Variants in CMPK2 observed in about 807,000 individuals in gnomAD.
The protein encoded by CMPK2 is cytidine/uridine monophosphate kinase 2.
In CMPK2, 32 loss-of-function variants were observed where a neutral mutation model predicts 33.4. The ratio of observed to expected loss-of-function variants is 0.96; its 90% CI spans 0.72 to 1.29. The LOEUF is 1.29. Among genes scored for constraint, CMPK2 ranks in the 50% most tolerant of loss-of-function variants. The probability of loss-of-function intolerance (pLI) is 0.00; values close to 1 mark genes in which losing one functional copy is unlikely to be tolerated. For missense variants in CMPK2, 672 were observed against 616.0 expected (o/e 1.09, Z -0.96); for synonymous variants, 299 against 275.3 (o/e 1.09, Z -0.85).
At position 6,848,704 on chromosome 2, in the gene CMPK2, GC is replaced by G; in HGVS notation, c.*1145del. On this transcript the variant is annotated 3_prime_UTR_variant, in exon 5 of 5. Coordinates refer to ENST00000256722, the MANE Select transcript of CMPK2 (RefSeq NM_207315.4). Reference sequence around the variant, plus strand: ...GATAAAATAATTTACAGATTTATCTGCCTTTGAACTGGAAGGAATTTTAGGT... The same window carrying G: ...GATAAAATAATTTACAGATTTATCTGCTTTGAACTGGAAGGAATTTTAGGT... 1.0e-6 allele frequency: 1 copy of G among 985,286 alleles called. No homozygotes were observed. Among genetic ancestry groups the G allele is most frequent in the Non-Finnish European group, 1.2e-6 (1 of 829,484 alleles). The allele number at this position is 985,286 out of a possible 1,614,324, so 61.0% of individuals were successfully genotyped here.
intron 1 of CMPK2, chr2:6,864,292 A>C (rs991507345): frequency 6.6e-6 from 1 of 152,238 alleles, no homozygotes; most frequent in Non-Finnish European, 1.5e-5. Flanking sequence ...TGACACAGCT[A>C]ATAAATGCCA....
At chr2:6,846,895 A>G (rs146513822), downstream of CMPK2, among the ~76,000 whole-genome samples, 179 of 152,360 alleles carry the variant, frequency 1.2e-3, 2 homozygotes, top group African/African-American at 4.1e-3. Flanking sequence ...AATGTGTTGT[A>G]ATCTTACCAA....
chr2:6,841,434 G>A (rs1377501448), intron 3 of CMPK2, among the ~76,000 whole-genome samples: 1 of 152,162 alleles, frequency 6.6e-6, no homozygotes, highest in Non-Finnish European at 1.5e-5. Context: ...TTAACAATTT[G>A]TTTGACTGTT....
intron 3 of CMPK2, among the ~76,000 whole-genome samples, chr2:6,853,892 A>G (rs1185474706): frequency 6.6e-6 from 1 of 151,838 alleles, no homozygotes; most frequent in African/African-American, 2.4e-5. Flanking sequence ...ACAGAGCGAG[A>G]CTTCATCTAA....
chr2:6,841,009 G>A (rs538692467), intron 3 of CMPK2, among the ~76,000 whole-genome samples: 1 of 152,174 alleles, frequency 6.6e-6, no homozygotes, highest in South Asian at 2.1e-4. Flanking sequence ...ACTTCCTGAG[G>A]TGTCTCTTAA....
exon 4 of CMPK2, chr2:6,840,620 A>C: frequency 1.4e-6 from 1 of 702,380 alleles, no homozygotes; most frequent in South Asian, 1.5e-5. Context: ...CCAGTCCCAC[A>C]AACTTCACTG....
Position 6,848,784 on chromosome 2 carries a change from T to C in CMPK2, c.*1066A>G. ...GTCACACAGCTCTATAATTTCCCCC[T>C]CACTCAGCTACTTTTTTCTGTCTAA... is the stretch of plus-strand genomic sequence containing the variant. On this transcript the variant is annotated 3_prime_UTR_variant, in exon 5 of 5. Transcript: ENST00000256722. The C allele has an allele frequency of 3.0e-6, 3 of 985,738 alleles. No homozygotes were observed. The highest frequency in any genetic ancestry group is 3.6e-6 in the Non-Finnish European group (3 of 829,828). The allele number at this position is 985,738 out of a possible 1,614,324, so 61.1% of individuals were successfully genotyped here.
chr2:6,861,453 G>A, intron 2 of CMPK2, 68 bp from the exon 3 acceptor site: 1 of 1,197,060 alleles, frequency 8.4e-7, no homozygotes, highest in Non-Finnish European at 1.2e-6. Context: ...CGTAGAAAGA[G>A]CACAGACGTT....
At chr2:6,841,119 C>T (rs141519562) in intron 3 of CMPK2, among the ~76,000 whole-genome samples, 52 of 152,246 alleles carry the variant, frequency 3.4e-4, no homozygotes, top group Non-Finnish European at 5.4e-4. Context: ...CCTTGGGTAA[C>T]AGCTGCCTTA....
rs760137321 is a variant in CMPK2, at chr2:6,849,931, A to G, written c.1269T>C (p.His423=). ...CTCTGGAGGGGCTGGCATCAACCAC[A>G]TGGCAGCCAGGATTCTCCATCCGCT... ...SYQRMENPGC[H]VVDASPSREK... is the part of the protein sequence containing the mutation. Residue 423 remains histidine, a synonymous_variant, in exon 5 of 5, where the codon CAT becomes CAC. Transcript: ENST00000256722. The G allele has an allele frequency of 6.2e-6, 10 of 1,614,080 alleles. No individual in the cohort carries two copies. The highest frequency in any genetic ancestry group is 5.0e-5 in the Admixed American group (3 of 59,996).
chr2:6,842,908 C>T (rs1375570479), intron 3 of CMPK2, among the ~76,000 whole-genome samples: 2 of 152,084 alleles, frequency 1.3e-5, no homozygotes, highest in South Asian at 2.1e-4. Flanking sequence ...GGTACCTTAC[C>T]GAAGTTTGAC....
At position 6,865,570 on chromosome 2, in the gene CMPK2, C is replaced by G; in HGVS notation, c.127G>C (p.Ala43Pro). 1 of 1,366,952 alleles carries G rather than the reference C, an allele frequency of 7.3e-7. No homozygotes were observed. The allele number at this position is 1,366,952 out of a possible 1,614,324, so 84.7% of individuals were successfully genotyped here. Residue 43 changes from alanine (A) to proline (P), a missense_variant, in exon 1 of 5, where the codon GCT becomes CCT. Transcript: ENST00000256722. Reference protein sequence around the residue: ...FVLELPDCTLAHFALGADAPG... With the variant: ...FVLELPDCTLPHFALGADAPG... ...GCGTCGGCGCCTAGGGCGAAGTGAG[C>G]CAGGGTGCAGTCGGGAAGCTCCAGG...
At chr2:6,851,358 A>G (rs1417722339) in intron 4 of CMPK2, 92 bp downstream of exon 4, 2 of 1,566,128 alleles carry the variant, frequency 1.3e-6, no homozygotes, top group Non-Finnish European at 1.7e-6. Context: ...TGGAAACAAT[A>G]TCACTTCCTC....
At chr2:6,864,121 C>G (rs1257924864) in intron 1 of CMPK2, among the ~76,000 whole-genome samples, 1 of 152,182 alleles carries the variant, frequency 6.6e-6, no homozygotes, top group African/African-American at 2.4e-5. Context: ...CAGAGCGAGG[C>G]TCAGACACTT....
chr2:6,862,651 A>G (rs1448375113), intron 2 of CMPK2, among the ~76,000 whole-genome samples: 1 of 152,224 alleles, frequency 6.6e-6, no homozygotes, highest in East Asian at 1.9e-4. Flanking sequence ...TTGAGTGATG[A>G]CAGCTGGTCT....
chr2:6,861,595 A>G (rs1356788364), intron 2 of CMPK2, among the ~76,000 whole-genome samples: 1 of 152,168 alleles, frequency 6.6e-6, no homozygotes, highest in Non-Finnish European at 1.5e-5. Context: ...TTAGTGATCA[A>G]ATCTGATATT....
chr2:6,858,325 C>G (rs760754059), intron 3 of CMPK2, among the ~76,000 whole-genome samples: 1 of 151,954 alleles, frequency 6.6e-6, no homozygotes, highest in Non-Finnish European at 1.5e-5. Flanking sequence ...GATTTTTCCT[C>G]TTCCCTGCAT....
downstream of CMPK2, among the ~76,000 whole-genome samples, chr2:6,846,245 T>C (rs1324444425): frequency 6.6e-6 from 1 of 152,174 alleles, no homozygotes; most frequent in Non-Finnish European, 1.5e-5. Flanking sequence ...ACTTCTCTCA[T>C]AAAAGAACTG....
rs1042972417 is a variant in CMPK2 at position 6,853,673 on chromosome 2, T to C, written c.993-1990A>G. On this transcript the variant is annotated intron_variant, in intron 3 of 4. Transcript: ENST00000256722. ...AATTCACTTGGTTGGGAGGCTGAGGTGGGTGGATCACGAGGTCAGGAGATC... is the reference window on the plus strand; with the variant it reads ...AATTCACTTGGTTGGGAGGCTGAGGCGGGTGGATCACGAGGTCAGGAGATC... Among the ~76,000 whole-genome samples, 20 of 152,132 alleles carry C rather than the reference T, an allele frequency of 1.3e-4. No individual in the cohort carries two copies. In the East Asian group the frequency reaches 1.7e-3, roughly 13 times the overall value.
Sources: allele counts gnomAD v4.1 joint callset (sites outside exome capture counted in the v4.1 genomes callset), GRCh38; gene constraint gnomAD v4.1.1; transcripts MANE v1.5; gene names NCBI Gene and HGNC (gene_info 2026-07-23, HGNC 2026-07-21).